Variants in ABHD2 observed in about 807,000 individuals in gnomAD.
The protein encoded by ABHD2 is monoacylglycerol lipase ABHD2.
ABHD2 carries 20 observed loss-of-function variants against 48.1 expected under a neutral mutation model. The observed-to-expected ratio is 0.42, with a 90% CI of 0.29 to 0.60. The LOEUF is 0.60. ABHD2 is among the 20% of genes least tolerant of loss of function. The pLI is 0.24. For synonymous variants in ABHD2, 209 were observed against 214.2 expected (o/e 0.98, Z 0.21); for missense variants, 405 against 550.9 (o/e 0.74, Z 2.65).
chr15:89,181,930 A>G (rs2150938291), intron 6 of ABHD2, among the ~76,000 whole-genome samples: 1 of 152,306 alleles, frequency 6.6e-6, no homozygotes, highest in East Asian at 1.9e-4. Flanking sequence ...GCCTTCCGCA[A>G]CACCTCTTAA....
Position 89,168,854 on chromosome 15 carries a change from A to G in ABHD2, c.539-6958A>G, listed in dbSNP as rs536062959. ...TGGGAAAGGAAGCCAAGGTGGGCAG[A>G]CCTCTTGAGCTCAGAAGTTCGAGAC... On this transcript the variant is annotated intron_variant, in intron 5 of 10. Transcript: ENST00000352732. The surrounding 1 kb of genome is among the most constrained non-coding windows in gnomAD (Gnocchi z 4.8). 8.5e-5 allele frequency among the ~76,000 whole-genome samples: 13 copies of G among 152,178 alleles called. No individual in the cohort carries two copies. The South Asian group carries it at 1.9e-3, about 22-fold the overall frequency.
At chr15:89,149,440 A>G (rs747888019) in intron 3 of ABHD2, among the ~76,000 whole-genome samples, 1 of 152,202 alleles carries the variant, frequency 6.6e-6, no homozygotes, top group Non-Finnish European at 1.5e-5. Context: ...TATTCTGTTC[A>G]TTGAAGCAAA....
the ABHD2 span, among the ~76,000 whole-genome samples, chr15:89,068,765 T>C: frequency 2.8e-5 from 3 of 108,628 alleles, no homozygotes; most frequent in East Asian, 7.5e-4. Flanking sequence ...TTTTTTTTTT[T>C]TTTTTTTTTT....
At chr15:89,093,173 C>CTTTTT (rs71149272) in intron 1 of ABHD2, among the ~76,000 whole-genome samples, 29 of 71,752 alleles carry the variant, frequency 4.0e-4, no homozygotes, top group Admixed American at 1.5e-3. Context: ...TTTTTTCATT[C>CTTTTT]TTTTTTTTTT....
At chr15:89,147,693 T>G (rs1047752512) in intron 3 of ABHD2, among the ~76,000 whole-genome samples, 9 of 152,090 alleles carry the variant, frequency 5.9e-5, no homozygotes, top group African/African-American at 2.2e-4. Flanking sequence ...CACAAAGGTT[T>G]TAACAAAACA....
At chr15:89,042,376 T>G in the ABHD2 span, among the ~76,000 whole-genome samples, 4 of 152,264 alleles carry the variant, frequency 2.6e-5, no homozygotes. Context: ...GCTTAAAAAC[T>G]GAGACACTTT....
chr15:89,049,178 G>A, the ABHD2 span, among the ~76,000 whole-genome samples: 1,417 of 152,260 alleles, frequency 9.3e-3, 10 homozygotes, highest in African/African-American at 0.013. Flanking sequence ...CCTGCTGGGG[G>A]GTGCCTCCCA....
chr15:89,140,405 T>A (rs139150686), intron 3 of ABHD2, among the ~76,000 whole-genome samples: 32 of 152,294 alleles, frequency 2.1e-4, no homozygotes, highest in African/African-American at 6.5e-4. Context: ...TGAAATTCCT[T>A]CTTGTACCTG....
At chr15:89,127,653 C>T (rs893602228) in intron 3 of ABHD2, among the ~76,000 whole-genome samples, 1 of 148,098 alleles carries the variant, frequency 6.8e-6, no homozygotes, top group African/African-American at 2.6e-5. Context: ...TGGACTTTTC[C>T]TTCCTTGGGA....
intron 6 of ABHD2, among the ~76,000 whole-genome samples, chr15:89,181,235 A>AAAAAAC: frequency 6.6e-6 from 1 of 150,944 alleles, no homozygotes; most frequent in Non-Finnish European, 1.5e-5. Flanking sequence ...TCTCAAAAAA[A>AAAAAAC]AAAAAAAAAA....
At chr15:89,129,118 G>A (rs537720181) in intron 3 of ABHD2, among the ~76,000 whole-genome samples, 4 of 152,268 alleles carry the variant, frequency 2.6e-5, no homozygotes, top group Admixed American at 6.5e-5. Flanking sequence ...ATGTGCACAG[G>A]GTTATGTGCA....
At chr15:89,072,343 G>T in the ABHD2 span, among the ~76,000 whole-genome samples, 2 of 146,160 alleles carry the variant, frequency 1.4e-5, no homozygotes, top group South Asian at 4.2e-4. Flanking sequence ...AGGCATGGTG[G>T]TGGGGGCCTG....
In ABHD2 at chr15:89,153,189, G is replaced by A. The variant is rs181225963; in HGVS notation, c.370+1337G>A. ...TCCCCTAACTAGTGTTTCCTTCTCA[G>A]TAAATCCATCACGACTTCCTGCTTT... On this transcript the variant is annotated intron_variant, in intron 4 of 10. Transcript: ENST00000352732. 5.1e-4 allele frequency among the ~76,000 whole-genome samples: 77 copies of A among 152,268 alleles called. 1 individual carries two copies. Among genetic ancestry groups the A allele is most frequent in the African/African-American group, 1.7e-3 (71 of 41,556 alleles).
rs901030123 is a variant in ABHD2, at chr15:89,185,950, G to C, written c.815+434G>C. On this transcript the variant is annotated intron_variant, in intron 7 of 10. Transcript: ENST00000352732. The surrounding 1 kb of genome is among the most constrained non-coding windows in gnomAD (Gnocchi z 5.9). ...CCAATGCACCCCAGCCTGGGTGACA[G>C]AGCGAGACCCTGTCTGAAAAAAAAG... Among the ~76,000 whole-genome samples, 1 of 152,222 alleles carries C rather than the reference G, an allele frequency of 6.6e-6. No individual in the cohort carries two copies. Among genetic ancestry groups the C allele is most frequent in the Admixed American group, 6.5e-5 (1 of 15,282 alleles).
intron 3 of ABHD2, among the ~76,000 whole-genome samples, chr15:89,143,460 G>C (rs1344383762): frequency 6.6e-6 from 1 of 152,196 alleles, no homozygotes; most frequent in Non-Finnish European, 1.5e-5. Context: ...CTGAGGTCGG[G>C]AGTTCAAGAC....
chr15:89,080,012 A>G, the ABHD2 span, among the ~76,000 whole-genome samples: 1 of 152,198 alleles, frequency 6.6e-6, no homozygotes, highest in East Asian at 1.9e-4. Flanking sequence ...CATAGGGCAG[A>G]AACTCCACCT....
chr15:89,173,212 T>C lies in ABHD2; in HGVS notation c.539-2600T>C, dbSNP rs1306630758. On this transcript the variant is annotated intron_variant, in intron 5 of 10. Coordinates refer to ENST00000352732, the MANE Select transcript of ABHD2 (RefSeq NM_152924.5). This position sits in a 1 kb window ranked among gnomAD's most constrained non-coding sequence, Gnocchi z 6.5. ...TTGTTTGCACATCCCCTTTTTTATA[T>C]CACAGCTACATTTTGAAATCCAGCA... is the stretch of plus-strand genomic sequence containing the variant. Among the ~76,000 whole-genome samples the C allele has an allele frequency of 2.0e-5, 3 of 152,242 alleles. No homozygotes were observed. The highest frequency in any genetic ancestry group is 4.1e-4 in the South Asian group (2 of 4,830).
intron 3 of ABHD2, among the ~76,000 whole-genome samples, chr15:89,148,231 C>T (rs944683617): frequency 1.4e-5 from 2 of 146,816 alleles, no homozygotes; most frequent in African/African-American, 5.0e-5. Flanking sequence ...GATAATAAAA[C>T]AATACTTATA....
chr15:89,142,290 T>C (rs2050416002), intron 3 of ABHD2, among the ~76,000 whole-genome samples: 1 of 152,220 alleles, frequency 6.6e-6, no homozygotes, highest in Non-Finnish European at 1.5e-5. Context: ...GCTGTATAGA[T>C]AAATAAAATA....
Sources: gnomAD v4.1 joint callset for allele counts (sites outside exome capture counted in the v4.1 genomes callset) on GRCh38, gnomAD v4.1.1 for gene constraint, Gnocchi (gnomAD v3.1) non-coding constraint, MANE v1.5 for transcripts, NCBI Gene and HGNC (gene_info 2026-07-23, HGNC 2026-07-21) for gene names.